Variants in LMO4 observed in about 807,000 individuals in gnomAD.
LMO4 encodes LIM domain only 4.
LMO4 carries 3 observed loss-of-function variants against 18.5 expected under a neutral mutation model. The observed-to-expected ratio is 0.16, with a 90% CI of 0.07 to 0.42. LMO4 has a LOEUF of 0.42. Among genes scored for constraint, LMO4 ranks in the 10% least tolerant of loss-of-function variants. LMO4 has a pLI of 0.99. For missense variants in LMO4, 121 were observed against 219.9 expected (o/e 0.55, Z 2.84); for synonymous variants, 100 against 88.1 (o/e 1.14, Z -0.76).
intron 1 of LMO4, among the ~76,000 whole-genome samples, chr1:87,330,593 A>T (rs1347120684): frequency 6.6e-6 from 1 of 152,158 alleles, no homozygotes; most frequent in African/African-American, 2.4e-5. Flanking sequence ...ATGTGTTTAA[A>T]ATCGGCCTAT....
intron 4 of LMO4, among the ~76,000 whole-genome samples, chr1:87,343,262 G>C (rs1650544871): frequency 6.6e-6 from 1 of 152,118 alleles, no homozygotes; most frequent in African/African-American, 2.4e-5. Context: ...TATATTCCAA[G>C]AAAAATAATT....
intron 4 of LMO4, among the ~76,000 whole-genome samples, chr1:87,342,881 C>T (rs1396624305): frequency 1.3e-5 from 2 of 152,212 alleles, no homozygotes; most frequent in South Asian, 4.2e-4. Context: ...ATTATTTTCC[C>T]AAAACCCTGT....
chr1:87,348,636 A>G lies in LMO4; in HGVS notation c.*3840A>G, dbSNP rs1294262382. 7 of 464,474 alleles carry G rather than the reference A, an allele frequency of 1.5e-5. No homozygotes were observed. Among genetic ancestry groups the G allele is most frequent in the Middle Eastern group, 3.2e-4 (1 of 3,100 alleles). 28.8% of individuals were successfully genotyped at this position (464,474 alleles called of 1,614,324 possible). Reference sequence around the variant, plus strand: ...TTGTAGCCCTCTGCTCCCATCGTGAACATGCTGAGAGCAATGACAAGTCAG... The same window carrying G: ...TTGTAGCCCTCTGCTCCCATCGTGAGCATGCTGAGAGCAATGACAAGTCAG... On this transcript the variant is annotated 3_prime_UTR_variant, in exon 5 of 5. Coordinates refer to ENST00000370544, the MANE Select transcript of LMO4 (RefSeq NM_006769.4).
chr1:87,345,377 C>G lies in LMO4; in HGVS notation c.*581C>G, dbSNP rs1037338767. ...TGTTTTTGTCCTAATGTTGCTACTC[C>G]CATGGCAAAGAAAAAAAAAAGAATG... On this transcript the variant is annotated 3_prime_UTR_variant, in exon 5 of 5. Transcript: ENST00000370544. 2 of 149,282 alleles carry G rather than the reference C, an allele frequency of 1.3e-5. No homozygotes were observed. The highest frequency in any genetic ancestry group is 3.0e-5 in the Non-Finnish European group (2 of 67,742). The allele number at this position is 149,282 out of a possible 1,614,324, so 9.2% of individuals were successfully genotyped here.
At chr1:87,331,854 C>CAGTGTGTAGA in intron 1 of LMO4, 159 bp from the exon 2 acceptor site, 1 of 601,406 alleles carries the variant, frequency 1.7e-6, no homozygotes, top group South Asian at 2.1e-5. Flanking sequence ...CCCTTCTTCC[C>CAGTGTGTAGA]TCTCCCCCTC....
At chr1:87,342,948 A>C (rs1019616623) in intron 4 of LMO4, among the ~76,000 whole-genome samples, 2 of 151,986 alleles carry the variant, frequency 1.3e-5, no homozygotes, top group African/African-American at 2.4e-5. Context: ...GCTTCGTTTT[A>C]TTATTTTCTC....
chr1:87,331,759 G>T (rs1048397987), intron 1 of LMO4: 4 of 501,592 alleles, frequency 8.0e-6, no homozygotes, highest in African/African-American at 7.8e-5. Context: ...TGTCAGCGGC[G>T]GCAAGCGCAG....
chr1:87,344,909 C>A lies in LMO4; in HGVS notation c.*113C>A. 2 of 986,364 alleles carry A rather than the reference C, an allele frequency of 2.0e-6. No homozygotes were observed. Among genetic ancestry groups the A allele is most frequent in the Non-Finnish European group, 3.2e-6 (2 of 619,448 alleles). The allele number at this position is 986,364 out of a possible 1,614,324, so 61.1% of individuals were successfully genotyped here. A position where few individuals can be genotyped will look rare whatever the true frequency, so the allele number is the denominator to read the frequency against. On this transcript the variant is annotated 3_prime_UTR_variant, in exon 5 of 5. Transcript: ENST00000370544. ...TTTGTAGCTAGCACCAGTGCCAGCT[C>A]CATGCCATTGCACCTTCTTTAGTCT...
intron 1 of LMO4, among the ~76,000 whole-genome samples, chr1:87,329,630 C>T (rs1022418027): frequency 1.3e-5 from 2 of 152,058 alleles, no homozygotes; most frequent in Admixed American, 6.5e-5. Context: ...ACGATACCCC[C>T]CCTCCCTTCT....
At chr1:87,341,820 A>C (rs770114446) in intron 4 of LMO4, among the ~76,000 whole-genome samples, 2 of 152,210 alleles carry the variant, frequency 1.3e-5, no homozygotes, top group East Asian at 3.8e-4. Context: ...AGGTATTTCA[A>C]GCTTCTTCAA....
intron 4 of LMO4, among the ~76,000 whole-genome samples, chr1:87,341,049 G>A (rs186602906): frequency 6.6e-6 from 1 of 152,286 alleles, no homozygotes; most frequent in East Asian, 1.9e-4. Context: ...AGTGCATTTT[G>A]ATAACTGCTG....
In LMO4 at chr1:87,332,108, G is replaced by A. The variant is rs200837922; in HGVS notation, c.93G>A (p.Ala31=). 1.7e-5 allele frequency: 28 copies of A among 1,614,104 alleles called. No homozygotes were observed. Among genetic ancestry groups the A allele is most frequent in the Non-Finnish European group, 2.2e-5 (26 of 1,180,032 alleles). Residue 31 remains alanine, a synonymous_variant, in exon 2 of 5, where the codon GCG becomes GCA. Coordinates refer to ENST00000370544, the MANE Select transcript of LMO4 (RefSeq NM_006769.4). ...GCGCAGGCTGCGGGGGCAAGATTGC[G>A]GACCGCTTTCTGCTCTATGCCATGG... ...KRCAGCGGKI[A]DRFLLYAMDS...
chr1:87,339,943 C>G, intron 3 of LMO4, 104 bp from the exon 4 acceptor site: 1 of 1,281,466 alleles, frequency 7.8e-7, no homozygotes, highest in South Asian at 1.4e-5. Flanking sequence ...CCCTAAGTGT[C>G]TCTGTACTTG....
At chr1:87,342,786 A>T (rs1475946914) in intron 4 of LMO4, among the ~76,000 whole-genome samples, 1 of 152,114 alleles carries the variant, frequency 6.6e-6, no homozygotes, top group Non-Finnish European at 1.5e-5. Context: ...GAGAGATATT[A>T]ATGAGAGGGC....
chr1:87,336,569 G>A (rs1004638501), intron 2 of LMO4, among the ~76,000 whole-genome samples: 1 of 152,178 alleles, frequency 6.6e-6, no homozygotes, highest in African/African-American at 2.4e-5. Flanking sequence ...AAAACTACAT[G>A]GTGTTGTTCA....
chr1:87,337,400 A>G (rs1351981681), intron 2 of LMO4, among the ~76,000 whole-genome samples: 1 of 152,232 alleles, frequency 6.6e-6, no homozygotes, highest in Non-Finnish European at 1.5e-5. Flanking sequence ...ATAAATGAAC[A>G]CTTAGGCTGA....
In LMO4 at chr1:87,332,267, C is replaced by G; in HGVS notation, c.236+16C>G. 6.3e-7 allele frequency: 1 copy of G among 1,592,520 alleles called. No individual in the cohort carries two copies. Among genetic ancestry groups the G allele is most frequent in the South Asian group, 1.1e-5 (1 of 90,462 alleles). Reference sequence around the variant, plus strand: ...ACTACATTAGGTAAGACTTTGCTGTCTTTCCTGGAGATGGGGGGAAGAGCA... The same window carrying G: ...ACTACATTAGGTAAGACTTTGCTGTGTTTCCTGGAGATGGGGGGAAGAGCA... On this transcript the variant is annotated intron_variant, in intron 2 of 4. Coordinates refer to ENST00000370544, the MANE Select transcript of LMO4 (RefSeq NM_006769.4).
Position 87,348,143 on chromosome 1 carries a change from C to T in LMO4, c.*3347C>T, listed in dbSNP as rs1557618861. On this transcript the variant is annotated 3_prime_UTR_variant, in exon 5 of 5. Transcript: ENST00000370544. ...AAAATATTTCTTAGGGCCCATAAATCATATAATAAACAGTGAACCCAAGAG... is the reference window on the plus strand; with the variant it reads ...AAAATATTTCTTAGGGCCCATAAATTATATAATAAACAGTGAACCCAAGAG... 1 of 152,290 alleles carries T rather than the reference C, an allele frequency of 6.6e-6. No individual in the cohort carries two copies. Among genetic ancestry groups the T allele is most frequent in the East Asian group, 1.9e-4 (1 of 5,196 alleles). The allele number at this position is 152,290 out of a possible 1,614,324, so 9.4% of individuals were successfully genotyped here. A position where few individuals can be genotyped will look rare whatever the true frequency, so the allele number is the denominator to read the frequency against.
At position 87,348,839 on chromosome 1, in the gene LMO4, T is replaced by C. The variant is rs1650709391; in HGVS notation, c.*4043T>C. The C allele has an allele frequency of 2.1e-6, 1 of 475,798 alleles. No homozygotes were observed. Among genetic ancestry groups the C allele is most frequent in the Non-Finnish European group, 4.2e-6 (1 of 237,152 alleles). The allele number at this position is 475,798 out of a possible 1,614,324, so 29.5% of individuals were successfully genotyped here. On this transcript the variant is annotated 3_prime_UTR_variant, in exon 5 of 5. Coordinates refer to ENST00000370544, the MANE Select transcript of LMO4 (RefSeq NM_006769.4). ...CGGAGGCCTCAAGCCAATAATGTAC[T>C]ACAGGCCCTGACATGTTACAGCTGT... is the stretch of plus-strand genomic sequence containing the variant.
Sources: allele counts gnomAD v4.1 joint callset (sites outside exome capture counted in the v4.1 genomes callset), GRCh38; gene constraint gnomAD v4.1.1; transcripts MANE v1.5; gene names NCBI Gene and HGNC (gene_info 2026-07-23, HGNC 2026-07-21).